SEM1: variants seen among roughly 807,000 people sequenced by gnomAD.
The protein encoded by SEM1 is 26S proteasome complex subunit SEM1.
A neutral mutation model predicts 12.7 loss-of-function variants in SEM1; 3 were observed. The ratio of observed to expected loss-of-function variants is 0.24; its 90% CI spans 0.11 to 0.61. The LOEUF (loss-of-function observed/expected upper bound fraction) is 0.61. SEM1 is among the 20% of genes least tolerant of loss of function. SEM1 has a pLI of 0.88. For synonymous variants in SEM1, 30 were observed against 27.8 expected (o/e 1.08, Z -0.25); for missense variants, 59 against 81.3 (o/e 0.73, Z 1.06).
intron 2 of SEM1, among the ~76,000 whole-genome samples, chr7:96,616,078 C>T (rs1031335296): frequency 2.0e-5 from 3 of 152,056 alleles, no homozygotes; most frequent in Non-Finnish European, 2.9e-5. Context: ...ACTGTTGGAT[C>T]GAATGGTACT....
chr7:96,519,008 T>C (rs1584731595), intron 2 of SEM1, among the ~76,000 whole-genome samples: 2 of 152,250 alleles, frequency 1.3e-5, no homozygotes, highest in South Asian at 4.1e-4. Flanking sequence ...GTAACACACA[T>C]GTGCTGGCAA....
intron 2 of SEM1, among the ~76,000 whole-genome samples, chr7:96,514,192 G>A (rs943139073): frequency 3.3e-5 from 5 of 151,906 alleles, no homozygotes; most frequent in African/African-American, 1.2e-4. Context: ...TGTGCTTAAC[G>A]TCTTGAAAAA....
At chr7:96,664,703 CA>C (rs1287854906) in intron 2 of SEM1, among the ~76,000 whole-genome samples, 2 of 152,132 alleles carry the variant, frequency 1.3e-5, no homozygotes, top group Non-Finnish European at 2.9e-5. Flanking sequence ...CCTACCACAT[CA>C]TTGTAAAGAC....
intron 2 of SEM1, among the ~76,000 whole-genome samples, chr7:96,679,014 C>T (rs1055367517): frequency 1.3e-5 from 2 of 152,020 alleles, no homozygotes; most frequent in African/African-American, 2.4e-5. Flanking sequence ...ACTTATTTAA[C>T]AAGTTAAATA....
At chr7:96,532,240 T>A (rs996212594) in intron 2 of SEM1, among the ~76,000 whole-genome samples, 2 of 152,164 alleles carry the variant, frequency 1.3e-5, no homozygotes, top group Non-Finnish European at 1.5e-5. Context: ...AGCCCAAAGT[T>A]CTGTTTTTAT....
At chr7:96,669,495 A>G (rs1789256735), downstream of SEM1, among the ~76,000 whole-genome samples, 2 of 152,204 alleles carry the variant, frequency 1.3e-5, no homozygotes, top group South Asian at 4.1e-4. Context: ...TTAACAATAT[A>G]CACGTGATTA....
At chr7:96,622,270 A>G (rs201665670), downstream of SEM1, 1 of 65,462 alleles carries the variant, frequency 1.5e-5, no homozygotes, top group East Asian at 1.8e-4. Context: ...AGGACATGGA[A>G]AAAAAAAATA....
chr7:96,545,621 T>A (rs1160626435), intron 2 of SEM1, among the ~76,000 whole-genome samples: 1 of 152,132 alleles, frequency 6.6e-6, no homozygotes, highest in Non-Finnish European at 1.5e-5. Flanking sequence ...CTTAGTGTTT[T>A]ATACTCAACA....
chr7:96,617,386 T>A (rs1807753463), intron 2 of SEM1, among the ~76,000 whole-genome samples: 1 of 152,176 alleles, frequency 6.6e-6, no homozygotes, highest in African/African-American at 2.4e-5. Context: ...TTTCTGTACA[T>A]TAATTTTGGA....
intron 2 of SEM1, among the ~76,000 whole-genome samples, chr7:96,641,510 T>G (rs929683887): frequency 6.6e-6 from 1 of 152,060 alleles, no homozygotes; most frequent in African/African-American, 2.4e-5. Flanking sequence ...GAATATACCC[T>G]TCTTTACATC....
In SEM1 at chr7:96,709,835, G is replaced by T. The variant is rs1269949574; in HGVS notation, c.-72C>A. The T allele has an allele frequency of 1.4e-6, 2 of 1,436,726 alleles. No homozygotes were observed. Among genetic ancestry groups the T allele is most frequent in the Non-Finnish European group, 2.0e-6 (2 of 1,022,876 alleles). The allele number at this position is 1,436,726 out of a possible 1,614,324, so 89.0% of individuals were successfully genotyped here. ...AACCCTCACTCTTCCTCAAGGAAAC[G>T]CCACCGTCACTACCGCCTCCGACGC... On this transcript the variant is annotated 5_prime_UTR_variant, in exon 1 of 3. Transcript: ENST00000248566.
intron 2 of SEM1, among the ~76,000 whole-genome samples, chr7:96,626,443 T>C (rs538600022): frequency 6.6e-6 from 1 of 152,192 alleles, no homozygotes; most frequent in African/African-American, 2.4e-5. Flanking sequence ...AACACTTAGG[T>C]TGCTTTTGCC....
At chr7:96,626,510 T>C (rs1808071826) in intron 2 of SEM1, among the ~76,000 whole-genome samples, 1 of 152,124 alleles carries the variant, frequency 6.6e-6, no homozygotes, top group South Asian at 2.1e-4. Flanking sequence ...TTTTTGAATA[T>C]TTTTTATAAT....
upstream of SEM1, among the ~76,000 whole-genome samples, chr7:96,501,188 A>T (rs539999457): frequency 6.6e-6 from 1 of 151,892 alleles, no homozygotes; most frequent in South Asian, 2.1e-4. Context: ...GTCCTGGTTT[A>T]CTCTTTTCTC....
rs192085801 is a variant in SEM1 at position 96,675,591 on chromosome 7, C to T, written c.171-1732G>A. On this transcript the variant is annotated intron_variant, in intron 2 of 2. Transcript: ENST00000413065. Reference sequence around the variant, plus strand: ...GCTTCCTAATAACTCCCCAGTCTCTCCTTGGGGATAACTCAAATGGCGTGT... The same window carrying T: ...GCTTCCTAATAACTCCCCAGTCTCTTCTTGGGGATAACTCAAATGGCGTGT... 2.1e-4 allele frequency among the ~76,000 whole-genome samples: 32 copies of T among 152,276 alleles called. No individual in the cohort carries two copies. The East Asian group carries it at 5.4e-3, about 26-fold the overall frequency.
intron 2 of SEM1, among the ~76,000 whole-genome samples, chr7:96,580,510 G>A (rs1238292249): frequency 6.6e-6 from 1 of 151,806 alleles, no homozygotes; most frequent in Non-Finnish European, 1.5e-5. Flanking sequence ...GGGTCAAATG[G>A]TATTTCCAGT....
chr7:96,521,884 G>A (rs1432679644), intron 2 of SEM1, among the ~76,000 whole-genome samples: 3 of 152,068 alleles, frequency 2.0e-5, no homozygotes, highest in African/African-American at 7.2e-5. Flanking sequence ...ATGTAGATAG[G>A]AGAGTCACAA....
At chr7:96,532,907 G>A (rs373155354) in intron 2 of SEM1, among the ~76,000 whole-genome samples, 1 of 152,188 alleles carries the variant, frequency 6.6e-6, no homozygotes, top group Middle Eastern at 3.4e-3. Context: ...GGAGGACTCT[G>A]TGGTATTGGT....
chr7:96,704,711 A>G (rs990493024), intron 1 of SEM1, among the ~76,000 whole-genome samples: 1 of 152,190 alleles, frequency 6.6e-6, no homozygotes, highest in African/African-American at 2.4e-5. Context: ...TGTCCACTAT[A>G]TTACATTTAA....
Sources: allele counts gnomAD v4.1 joint callset (sites outside exome capture counted in the v4.1 genomes callset), GRCh38; gene constraint gnomAD v4.1.1; transcripts MANE v1.5; gene names NCBI Gene and HGNC (gene_info 2026-07-23, HGNC 2026-07-21).